Variants in SLC13A4 observed in about 807,000 individuals in gnomAD.
SLC13A4 encodes Na(+)/sulfate cotransporter SUT-1.
A neutral mutation model predicts 72.7 loss-of-function variants in SLC13A4; 28 were observed. That is an observed-to-expected ratio of 0.39 (90% CI 0.29 to 0.53). The LOEUF (loss-of-function observed/expected upper bound fraction) is 0.53, where lower values mean the gene tolerates loss of function less well. SLC13A4 is among the 20% of genes least tolerant of loss of function. The pLI is 0.78. For missense variants in SLC13A4, 653 were observed against 788.0 expected (o/e 0.83, Z 2.05); for synonymous variants, 312 against 325.5 (o/e 0.96, Z 0.45).
chr7:135,699,557 G>A lies in SLC13A4; in HGVS notation c.715-9C>T, dbSNP rs369648658. The A allele has an allele frequency of 9.4e-6, 15 of 1,590,312 alleles. 1 individual carries two copies. In the African/African-American group the frequency reaches 2.0e-4, roughly 21 times the overall value. On this transcript the variant is annotated splice_polypyrimidine_tract_variant and intron_variant, in intron 7 of 15. Coordinates refer to ENST00000682651, the MANE Select transcript of SLC13A4 (RefSeq NM_001318192.2). The stretch of plus-strand genomic sequence containing the variant: ...AGGACTTGTGGCTTTTCCTAACGAA[G>A]GAAAATCAGCAAATCTGTCCAACCC...
Position 135,720,231 on chromosome 7 carries a change from A to T in SLC13A4, c.228+1164T>A, listed in dbSNP as rs550799155. ...TGTGTACATAGTGCCATGAAGCCAC[A>T]TACCACTTTATGGAGTCTTTTTCTT... On this transcript the variant is annotated intron_variant, in intron 2 of 15. Coordinates refer to ENST00000682651, the MANE Select transcript of SLC13A4 (RefSeq NM_001318192.2). 1.2e-3 allele frequency among the ~76,000 whole-genome samples: 184 copies of T among 152,310 alleles called. 1 individual carries two copies. The highest frequency in any genetic ancestry group is 2.2e-3 in the Non-Finnish European group (147 of 68,030).
chr7:135,701,209 G>A (rs975473789), intron 7 of SLC13A4, among the ~76,000 whole-genome samples: 2 of 152,222 alleles, frequency 1.3e-5, no homozygotes, highest in Non-Finnish European at 2.9e-5. Flanking sequence ...AAGTGAGACT[G>A]TTTTGATGAA....
chr7:135,689,282 G>A (rs763712371), intron 13 of SLC13A4, among the ~76,000 whole-genome samples: 3 of 152,054 alleles, frequency 2.0e-5, no homozygotes, highest in African/African-American at 4.8e-5. Context: ...TAAATATCCC[G>A]AACTTGGAAT....
At position 135,695,360 on chromosome 7, in the gene SLC13A4, G is replaced by A. The variant is rs1358842884; in HGVS notation, c.1019+8C>T. On this transcript the variant is annotated splice_region_variant and intron_variant, in intron 9 of 15. Coordinates refer to ENST00000682651, the MANE Select transcript of SLC13A4 (RefSeq NM_001318192.2). ...TCAGTGCTTTGCTGAAAGGGCCCTG[G>A]AACTCACTTGCAGCCCAGGAACAGC... 18 of 1,613,648 alleles carry A rather than the reference G, an allele frequency of 1.1e-5. 1 individual carries two copies. Among genetic ancestry groups the A allele is most frequent in the Admixed American group, 1.0e-4 (6 of 59,990 alleles).
At chr7:135,725,237 G>A (rs558457802) in intron 1 of SLC13A4, among the ~76,000 whole-genome samples, 21 of 152,318 alleles carry the variant, frequency 1.4e-4, no homozygotes, top group South Asian at 1.2e-3. Flanking sequence ...TCACTTAGGC[G>A]TGGAACTGCT....
At chr7:135,715,172 TGTATATGG>T (rs953197768) in intron 2 of SLC13A4, among the ~76,000 whole-genome samples, 6 of 151,522 alleles carry the variant, frequency 4.0e-5, no homozygotes, top group East Asian at 3.9e-4. Context: ...AGTATATATG[TGTATATGG>T]GTATATAAGT....
At chr7:135,704,399 G>A (rs1157707777) in intron 5 of SLC13A4, 1 of 152,572 alleles carries the variant, frequency 6.6e-6, no homozygotes, top group East Asian at 1.9e-4. Context: ...ACCAACCCCA[G>A]ACCTCAATAG....
intron 5 of SLC13A4, 77 bp from the exon 6 acceptor site, chr7:135,702,961 G>T (rs567421486): frequency 9.2e-7 from 1 of 1,089,884 alleles, no homozygotes; most frequent in African/African-American, 1.6e-5. Flanking sequence ...TGCATCAGGC[G>T]TTTGGTGTAA....
chr7:135,700,350 A>G (rs1796001898), intron 7 of SLC13A4, among the ~76,000 whole-genome samples: 1 of 151,988 alleles, frequency 6.6e-6, no homozygotes, highest in Admixed American at 6.6e-5. Flanking sequence ...TTCCCTTCAC[A>G]CCTGGCCACC....
At chr7:135,704,782 T>TG (rs1759398490) in intron 5 of SLC13A4, 1 of 152,236 alleles carries the variant, frequency 6.6e-6, no homozygotes, top group African/African-American at 2.4e-5. Context: ...AAATCCAATA[T>TG]GCTATGATTG....
intron 2 of SLC13A4, among the ~76,000 whole-genome samples, chr7:135,712,578 G>A (rs927400205): frequency 6.6e-6 from 1 of 152,084 alleles, no homozygotes; most frequent in Non-Finnish European, 1.5e-5. Context: ...TGATGGCCAG[G>A]ATCCCTGGTG....
chr7:135,718,087 ACGCGCGCG>A lies in SLC13A4; in HGVS notation c.228+3300_228+3307del, dbSNP rs1321726815. Among the ~76,000 whole-genome samples the A allele has an allele frequency of 2.6e-3, 214 of 83,404 alleles. 2 individuals are homozygous for A. Among genetic ancestry groups the A allele is most frequent in the African/African-American group, 8.7e-3 (203 of 23,396 alleles). The allele number at this position is 83,404 out of a possible 152,430, so 54.7% of individuals were successfully genotyped here. The stretch of plus-strand genomic sequence containing the variant: ...CCAATTCCTACACACACACACACAC[ACGCGCGCG>A]CGCGCACGCGTGCGCGCTAGTCTCC... On this transcript the variant is annotated intron_variant, in intron 2 of 15. Coordinates refer to ENST00000682651, the MANE Select transcript of SLC13A4 (RefSeq NM_001318192.2).
intron 15 of SLC13A4, 131 bp from the exon 16 acceptor site, chr7:135,681,831 T>C: frequency 3.3e-6 from 4 of 1,216,644 alleles, no homozygotes; most frequent in Non-Finnish European, 4.5e-6. Flanking sequence ...TGGGGTGCTC[T>C]AGCATTGCCT....
At chr7:135,686,517 A>G (rs1355112656) in intron 13 of SLC13A4, among the ~76,000 whole-genome samples, 1 of 152,128 alleles carries the variant, frequency 6.6e-6, no homozygotes, top group African/African-American at 2.4e-5. Flanking sequence ...CTGGGACCAC[A>G]GGCACATACC....
At chr7:135,682,809 T>G (rs541180516) in intron 15 of SLC13A4, among the ~76,000 whole-genome samples, 4 of 152,306 alleles carry the variant, frequency 2.6e-5, no homozygotes, top group Admixed American at 6.5e-5. Flanking sequence ...TCTGATCATT[T>G]GATTCCAGTG....
chr7:135,688,319 C>T (rs1243095497), intron 13 of SLC13A4, among the ~76,000 whole-genome samples: 7 of 152,040 alleles, frequency 4.6e-5, no homozygotes, highest in South Asian at 2.1e-4. Context: ...TGCAGTGGCA[C>T]GATCTCGGCT....
At chr7:135,724,156 G>C (rs1302052111) in intron 1 of SLC13A4, among the ~76,000 whole-genome samples, 1 of 152,062 alleles carries the variant, frequency 6.6e-6, no homozygotes, top group African/African-American at 2.4e-5. Flanking sequence ...GTCATTACAG[G>C]GCTACAAGTT....
intron 2 of SLC13A4, among the ~76,000 whole-genome samples, chr7:135,718,529 A>G (rs1010633366): frequency 1.3e-5 from 2 of 151,998 alleles, no homozygotes; most frequent in Non-Finnish European, 2.9e-5. Flanking sequence ...TGGGGAGAGC[A>G]CATGTCTATG....
chr7:135,684,853 G>A (rs568323095), intron 14 of SLC13A4, among the ~76,000 whole-genome samples: 11 of 152,212 alleles, frequency 7.2e-5, no homozygotes, highest in Admixed American at 2.0e-4. Context: ...ATGTTGCTGG[G>A]GTCAGGAGGG....
Sources: gnomAD v4.1 joint callset for allele counts (sites outside exome capture counted in the v4.1 genomes callset) on GRCh38, gnomAD v4.1.1 for gene constraint, MANE v1.5 for transcripts, NCBI Gene and HGNC (gene_info 2026-07-23, HGNC 2026-07-21) for gene names.